Variants in CMIP observed in about 807,000 individuals in gnomAD.
CMIP encodes the protein C-Maf-inducing protein.
A neutral mutation model predicts 97.3 loss-of-function variants in CMIP; 13 were observed. That is an observed-to-expected ratio of 0.13 (90% CI 0.09 to 0.21). CMIP has a LOEUF of 0.21. Among genes scored for constraint, CMIP ranks in the 10% least tolerant of loss-of-function variants. CMIP has a pLI of 1.00. For synonymous variants in CMIP, 538 were observed against 436.3 expected (o/e 1.23, Z -2.91); for missense variants, 847 against 1,024.9 (o/e 0.83, Z 2.37).
chr16:81,478,840 C>T (rs1908084931), intron 1 of CMIP, among the ~76,000 whole-genome samples: 1 of 152,184 alleles, frequency 6.6e-6, no homozygotes, highest in African/African-American at 2.4e-5. Flanking sequence ...GTCCCTCTGT[C>T]ACACCCTGCC....
chr16:81,659,050 C>G (rs547332571), intron 5 of CMIP, among the ~76,000 whole-genome samples: 7 of 152,366 alleles, frequency 4.6e-5, no homozygotes, highest in African/African-American at 1.7e-4. Flanking sequence ...TTTGCTAACG[C>G]TAACAGTATA....
At chr16:81,626,847 T>G (rs2092077854) in intron 3 of CMIP, among the ~76,000 whole-genome samples, 6 of 139,940 alleles carry the variant, frequency 4.3e-5, no homozygotes, top group South Asian at 2.4e-4. Context: ...ATTTTATGAG[T>G]GTGTGTGTGT....
chr16:81,604,396 C>CAAA (rs886259734), intron 1 of CMIP, among the ~76,000 whole-genome samples: 909 of 58,650 alleles, frequency 0.015, 30 homozygotes, highest in African/African-American at 0.049. Flanking sequence ...AACTCTGTCT[C>CAAA]AAAAAAAAAA....
At chr16:81,520,239 G>A (rs2089993739) in intron 1 of CMIP, 1 of 152,178 alleles carries the variant, frequency 6.6e-6, no homozygotes, top group South Asian at 2.1e-4. Flanking sequence ...TTGCCTGCTG[G>A]TGCACTCAGC....
chr16:81,475,848 G>T (rs184001583), intron 1 of CMIP, among the ~76,000 whole-genome samples: 1 of 152,052 alleles, frequency 6.6e-6, no homozygotes, highest in Non-Finnish European at 1.5e-5. Flanking sequence ...TTAGCTGGGT[G>T]TGGTGGGGGG....
intron 1 of CMIP, among the ~76,000 whole-genome samples, chr16:81,515,985 C>T (rs1422836345): frequency 1.3e-5 from 2 of 152,244 alleles, no homozygotes; most frequent in Admixed American, 1.3e-4. Context: ...GCGCTTCCAG[C>T]CCCTGGGCCT....
At chr16:81,618,303 C>T (rs1168734091) in intron 2 of CMIP, among the ~76,000 whole-genome samples, 1 of 152,118 alleles carries the variant, frequency 6.6e-6, no homozygotes, top group African/African-American at 2.4e-5. Flanking sequence ...GGCTCATGGC[C>T]ACATCACTCT....
rs1048604304 is a variant in CMIP at position 81,645,791 on chromosome 16, A to C, written c.478-6412A>C. The C allele has an allele frequency of 1.3e-5, 8 of 628,532 alleles. No homozygotes were observed. In the African/African-American group the frequency reaches 1.5e-4, roughly 11 times the overall value. 38.9% of individuals were successfully genotyped at this position (628,532 alleles called of 1,614,324 possible). ...TCCTTTACAGAACTTGGTAGGTGAA[A>C]ACAATCAGAGCTGCTGTTTAGCCAG... On this transcript the variant is annotated intron_variant, in intron 3 of 20. Coordinates refer to ENST00000537098, the MANE Select transcript of CMIP (RefSeq NM_198390.3).
At chr16:81,585,079 C>G (rs147324992) in intron 1 of CMIP, among the ~76,000 whole-genome samples, 1 of 152,202 alleles carries the variant, frequency 6.6e-6, no homozygotes, top group Non-Finnish European at 1.5e-5. Context: ...TGGTGGCTCA[C>G]GCCTGTAATC....
intron 5 of CMIP, among the ~76,000 whole-genome samples, chr16:81,659,750 G>A (rs1175122724): frequency 6.6e-6 from 1 of 152,172 alleles, no homozygotes; most frequent in South Asian, 2.1e-4. Flanking sequence ...CAGCTAATGT[G>A]GCTGAACTGA....
At chr16:81,691,050 C>T (rs1490757142) in intron 10 of CMIP, among the ~76,000 whole-genome samples, 1 of 152,176 alleles carries the variant, frequency 6.6e-6, no homozygotes, top group Non-Finnish European at 1.5e-5. Flanking sequence ...TAGAATTTTC[C>T]CTCAGTTCTG....
At chr16:81,581,063 C>T (rs2091288469) in intron 1 of CMIP, among the ~76,000 whole-genome samples, 1 of 152,170 alleles carries the variant, frequency 6.6e-6, no homozygotes, top group African/African-American at 2.4e-5. Flanking sequence ...CCCTCAGCGT[C>T]ATGTTGTCAG....
At chr16:81,536,232 C>G (rs961899598) in intron 1 of CMIP, among the ~76,000 whole-genome samples, 1 of 152,068 alleles carries the variant, frequency 6.6e-6, no homozygotes, top group African/African-American at 2.4e-5. Flanking sequence ...CTGAGGGTGA[C>G]CTGGAACTTG....
At chr16:81,575,469 G>A (rs758844784) in intron 1 of CMIP, among the ~76,000 whole-genome samples, 1 of 152,134 alleles carries the variant, frequency 6.6e-6, no homozygotes, top group Non-Finnish European at 1.5e-5. Flanking sequence ...GTCCCGAGTC[G>A]AGTCCGTAGA....
intron 1 of CMIP, among the ~76,000 whole-genome samples, chr16:81,473,157 G>C (rs546161483): frequency 1.3e-5 from 2 of 152,348 alleles, no homozygotes; most frequent in South Asian, 4.1e-4. Context: ...TTCAGCTCCT[G>C]CTGCACTGGT....
At chr16:81,606,550 G>GCC (rs1180802241) in intron 1 of CMIP, among the ~76,000 whole-genome samples, 2 of 152,070 alleles carry the variant, frequency 1.3e-5, no homozygotes, top group African/African-American at 4.8e-5. Flanking sequence ...GATTTATCTT[G>GCC]CCCCGCCCCT....
rs540790890 is a variant in CMIP, at chr16:81,616,021, G to A, written c.427-4855G>A. On this transcript the variant is annotated intron_variant, in intron 2 of 20. Coordinates refer to ENST00000537098, the MANE Select transcript of CMIP (RefSeq NM_198390.3). This position sits in a 1 kb window ranked among gnomAD's most constrained non-coding sequence, Gnocchi z 4.7. ...TCGTCGCACTGGGGCAGAAGGAGCC[G>A]GGCGCGGTGGGTGGGAGATCTTGGC... Among the ~76,000 whole-genome samples the A allele has an allele frequency of 7.2e-5, 11 of 152,246 alleles. No individual in the cohort carries two copies. The highest frequency in any genetic ancestry group is 5.2e-4 in the Admixed American group (8 of 15,278).
chr16:81,575,968 C>T (rs1281920902), intron 1 of CMIP, among the ~76,000 whole-genome samples: 1 of 152,216 alleles, frequency 6.6e-6, no homozygotes, highest in Non-Finnish European at 1.5e-5. Flanking sequence ...TAAATGCTTA[C>T]TTAGTGCCTG....
chr16:81,469,849 A>G (rs1445305149), intron 1 of CMIP, among the ~76,000 whole-genome samples: 1 of 152,202 alleles, frequency 6.6e-6, no homozygotes, highest in African/African-American at 2.4e-5. Flanking sequence ...GTTCTGTTTG[A>G]ACATTTCCCT....
Sources: allele counts gnomAD v4.1 joint callset (sites outside exome capture counted in the v4.1 genomes callset), GRCh38; gene constraint gnomAD v4.1.1; non-coding constraint Gnocchi (gnomAD v3.1); transcripts MANE v1.5; gene names NCBI Gene and HGNC (gene_info 2026-07-23, HGNC 2026-07-21).